KDM4C: variants seen among roughly 807,000 people sequenced by gnomAD.
KDM4C encodes the protein lysine demethylase 4C, also known as lysine-specific demethylase 4C.
Under a neutral mutation model 129.3 loss-of-function variants are expected in KDM4C, and 81 were observed. The observed-to-expected ratio is 0.63, with a 90% confidence interval of 0.52 to 0.75. KDM4C has a LOEUF of 0.75. Among genes scored for constraint, KDM4C ranks in the 30% least tolerant of loss-of-function variants. KDM4C has a pLI of 0.00. For missense variants in KDM4C, 1,457 were observed against 1,304.0 expected (o/e 1.12, Z -1.81); for synonymous variants, 573 against 456.1 (o/e 1.26, Z -3.26).
intron 19 of KDM4C, among the ~76,000 whole-genome samples, chr9:7,155,080 C>T (rs1843029888): frequency 6.6e-6 from 1 of 152,128 alleles, no homozygotes; most frequent in Admixed American, 6.5e-5. Context: ...TATAATTGAC[C>T]TTAGATTCTA....
At chr9:6,799,293 G>A (rs1828439425) in intron 2 of KDM4C, among the ~76,000 whole-genome samples, 2 of 152,362 alleles carry the variant, frequency 1.3e-5, no homozygotes, top group South Asian at 4.1e-4. Context: ...CTGAGTTAAG[G>A]AGACTCTGTC....
chr9:7,080,037 A>G (rs976839029), intron 17 of KDM4C, among the ~76,000 whole-genome samples: 2 of 106,192 alleles, frequency 1.9e-5, no homozygotes, highest in African/African-American at 9.1e-5. Context: ...ATAAATACTG[A>G]AAAAAAAAAA....
rs1486492059 is a variant in KDM4C at position 7,160,217 on chromosome 9, AG to A, written c.2782-5020del. 7.2e-5 allele frequency among the ~76,000 whole-genome samples: 11 copies of A among 152,114 alleles called. 1 individual carries two copies. Among genetic ancestry groups the A allele is most frequent in the South Asian group, 2.1e-4 (1 of 4,818 alleles). On this transcript the variant is annotated intron_variant, in intron 19 of 21. Transcript: ENST00000381309. ...AGGTCTTCTCCACACTGTTTATTCT[AG>A]TTAGCCATTTGTCTAATCTTTTTTC...
chr9:7,155,577 A>G (rs1179118288), intron 19 of KDM4C, among the ~76,000 whole-genome samples: 2 of 151,970 alleles, frequency 1.3e-5, no homozygotes, highest in Non-Finnish European at 2.9e-5. Flanking sequence ...CTCATTGTTC[A>G]GTTCCCACCT....
chr9:7,051,058 T>C (rs935595863), intron 17 of KDM4C, among the ~76,000 whole-genome samples: 2 of 152,190 alleles, frequency 1.3e-5, no homozygotes, highest in Non-Finnish European at 2.9e-5. Context: ...AACATAGAGC[T>C]ATGGTTACAG....
In KDM4C at chr9:6,758,093, C is replaced by T. The variant is rs921393657; in HGVS notation, c.-128C>T. On this transcript the variant is annotated 5_prime_UTR_variant, in exon 1 of 22. Transcript: ENST00000381309. The surrounding 1 kb of genome is among the most constrained non-coding windows in gnomAD (Gnocchi z 4.6). The stretch of plus-strand genomic sequence containing the variant: ...GTGCGCGTGCGCAGCGAACAGCTGT[C>T]ACCTAGTGCGGAACAAGTCTCCCAA... The T allele has an allele frequency of 2.0e-6, 2 of 985,614 alleles. No homozygotes were observed. The highest frequency in any genetic ancestry group is 2.4e-6 in the Non-Finnish European group (2 of 830,094). 61.1% of individuals were successfully genotyped at this position (985,614 alleles called of 1,614,324 possible).
chr9:7,083,272 T>C (rs1834744262), intron 17 of KDM4C, among the ~76,000 whole-genome samples: 1 of 152,240 alleles, frequency 6.6e-6, no homozygotes, highest in Admixed American at 6.5e-5. Flanking sequence ...AAATCTAAGA[T>C]CTGAAATACT....
intron 18 of KDM4C, among the ~76,000 whole-genome samples, chr9:7,114,940 G>C (rs183656891): frequency 6.6e-6 from 1 of 152,116 alleles, no homozygotes; most frequent in South Asian, 2.1e-4. Flanking sequence ...TTAGCTGGTC[G>C]TGGTGGTGTG....
chr9:7,038,029 G>GT (rs1250659005), intron 15 of KDM4C, among the ~76,000 whole-genome samples: 1 of 152,090 alleles, frequency 6.6e-6, no homozygotes, highest in Non-Finnish European at 1.5e-5. Flanking sequence ...AGGATGAACA[G>GT]TTTTGATATC....
intron 17 of KDM4C, among the ~76,000 whole-genome samples, chr9:7,056,597 TTC>T (rs1830904169): frequency 6.6e-6 from 1 of 152,224 alleles, no homozygotes; most frequent in African/African-American, 2.4e-5. Context: ...CTATGGATTT[TTC>T]TTTATCTGTT....
chr9:7,105,607 A>T (rs536862211), intron 18 of KDM4C: 5 of 382,292 alleles, frequency 1.3e-5, no homozygotes, highest in Non-Finnish European at 2.7e-5. Flanking sequence ...TGGAATGTAA[A>T]TGCCTTTTTA....
chr9:6,993,133 A>G (rs1046991422), intron 12 of KDM4C, among the ~76,000 whole-genome samples: 9 of 152,156 alleles, frequency 5.9e-5, no homozygotes, highest in Non-Finnish European at 1.0e-4. Flanking sequence ...TTTTCCGGGA[A>G]AAGATTTTCC....
intron 17 of KDM4C, among the ~76,000 whole-genome samples, chr9:7,062,158 C>T (rs1831782863): frequency 6.6e-6 from 1 of 152,102 alleles, no homozygotes; most frequent in Non-Finnish European, 1.5e-5. Context: ...TTAGTAGAGA[C>T]GGGGTGTCAC....
At chr9:6,798,822 A>G (rs972916161) in intron 2 of KDM4C, among the ~76,000 whole-genome samples, 1 of 151,790 alleles carries the variant, frequency 6.6e-6, no homozygotes, top group African/African-American at 2.4e-5. Context: ...GCGGCCGGGC[A>G]GAGGCGCCCC....
chr9:6,879,400 G>A (rs1844096790), intron 5 of KDM4C, among the ~76,000 whole-genome samples: 1 of 152,028 alleles, frequency 6.6e-6, no homozygotes, highest in African/African-American at 2.4e-5. Context: ...CTGTAATCAA[G>A]ATTTTGAAAG....
chr9:6,788,335 G>T lies in KDM4C; in HGVS notation c.-17-4637G>T, dbSNP rs571107661. On this transcript the variant is annotated intron_variant, in intron 1 of 21. Transcript: ENST00000381309. ...CTCAGTGATTTCCTTTTTCCTATTG[G>T]CTTTTTCCTCTGCCTAGGGAAATGC... 7.2e-4 allele frequency among the ~76,000 whole-genome samples: 110 copies of T among 152,182 alleles called. No individual in the cohort carries two copies. In the Middle Eastern group the frequency reaches 0.01, roughly 14 times the overall value.
chr9:6,799,781 C>G (rs1372705459), intron 2 of KDM4C, among the ~76,000 whole-genome samples: 1 of 150,620 alleles, frequency 6.6e-6, no homozygotes, highest in Non-Finnish European at 1.5e-5. Context: ...GGCTTATTTC[C>G]GAGGAAAAAA....
chr9:6,757,672 G>C (rs1480854789), upstream of KDM4C: 23 of 985,400 alleles, frequency 2.3e-5, no homozygotes, highest in Non-Finnish European at 2.5e-5. Context: ...CCAGGAGGAC[G>C]TGTGGCGCGT....
At chr9:6,983,056 A>G (rs891392949) in intron 9 of KDM4C, among the ~76,000 whole-genome samples, 2 of 152,214 alleles carry the variant, frequency 1.3e-5, no homozygotes, top group African/African-American at 4.8e-5. Context: ...ACTGTTTATA[A>G]TGTTGAGATT....
Sources: gnomAD v4.1 joint callset for allele counts (sites outside exome capture counted in the v4.1 genomes callset) on GRCh38, gnomAD v4.1.1 for gene constraint, Gnocchi (gnomAD v3.1) non-coding constraint, MANE v1.5 for transcripts, NCBI Gene and HGNC (gene_info 2026-07-23, HGNC 2026-07-21) for gene names.